The following TMTC1 variants were observed in gnomAD, a reference collection of about 807,000 sequenced individuals.
The protein encoded by TMTC1 is transmembrane O-mannosyltransferase targeting cadherins 1.
TMTC1 carries 73 observed loss-of-function variants against 104.8 expected under a neutral mutation model. That is an observed-to-expected ratio of 0.70 (90% CI 0.58 to 0.85). The LOEUF is 0.85. Among genes scored for constraint, TMTC1 ranks in the 40% least tolerant of loss-of-function variants. The pLI is 0.00. For missense variants in TMTC1, 1,035 were observed against 1,096.1 expected, an observed-to-expected ratio of 0.94 and a Z score of 0.79; for synonymous variants, 434 against 428.7, an observed-to-expected ratio of 1.01 and a Z score of -0.15.
At chr12:29,584,168 C>G (rs911171998) in intron 7 of TMTC1, among the ~76,000 whole-genome samples, 3 of 152,160 alleles carry the variant, frequency 2.0e-5, no homozygotes, top group Admixed American at 6.5e-5. Flanking sequence ...AGACAAGATG[C>G]ATTGATATGC....
chr12:29,581,429 T>C (rs1396291628), intron 8 of TMTC1, among the ~76,000 whole-genome samples: 7 of 152,244 alleles, frequency 4.6e-5, no homozygotes, highest in Admixed American at 3.9e-4. Flanking sequence ...CAAAGGCCTC[T>C]TTAGTTGCAA....
rs150635490 is a variant in TMTC1 at position 29,503,734 on chromosome 12, T to C, written c.*3112A>G. The C allele has an allele frequency of 8.8e-4, 134 of 152,298 alleles. No homozygotes were observed. The highest frequency in any genetic ancestry group is 3.1e-3 in the African/African-American group (129 of 41,564). The allele number at this position is 152,298 out of a possible 1,614,324, so 9.4% of individuals were successfully genotyped here. On this transcript the variant is annotated 3_prime_UTR_variant, in exon 18 of 18. Transcript: ENST00000539277. ...AGCCATCCTTCCTACCCAGGACCTG[T>C]TTGGGAACCCAGTGCAAAATGAAAG...
intron 7 of TMTC1, among the ~76,000 whole-genome samples, chr12:29,592,755 C>G (rs1201401677): frequency 6.6e-6 from 1 of 152,156 alleles, no homozygotes; most frequent in Non-Finnish European, 1.5e-5. Context: ...GGGGGAATAA[C>G]AATTGTTTGT....
At chr12:29,547,175 T>C (rs1339140938) in intron 10 of TMTC1, among the ~76,000 whole-genome samples, 3 of 152,160 alleles carry the variant, frequency 2.0e-5, no homozygotes, top group South Asian at 2.1e-4. Context: ...AATGATGACA[T>C]TCCAACTCCT....
At chr12:29,520,938 T>G (rs1944134650) in intron 11 of TMTC1, 1 of 487,408 alleles carries the variant, frequency 2.1e-6, no homozygotes, top group Admixed American at 3.6e-5. Flanking sequence ...TTTAGTTCCC[T>G]TAGGGCGAAA....
At chr12:29,634,510 G>T (rs1938455767) in intron 5 of TMTC1, among the ~76,000 whole-genome samples, 1 of 152,186 alleles carries the variant, frequency 6.6e-6, no homozygotes, top group Admixed American at 6.5e-5. Flanking sequence ...GAAAGGCCCA[G>T]TCACCTCTGC....
At chr12:29,558,318 C>T (rs1945297976) in intron 9 of TMTC1, among the ~76,000 whole-genome samples, 2 of 152,124 alleles carry the variant, frequency 1.3e-5, no homozygotes, top group African/African-American at 2.4e-5. Flanking sequence ...AGCCCCTTGA[C>T]CATAAAATGC....
intron 5 of TMTC1, among the ~76,000 whole-genome samples, chr12:29,698,885 A>G (rs186791174): frequency 6.6e-6 from 1 of 152,142 alleles, no homozygotes; most frequent in East Asian, 1.9e-4. Flanking sequence ...TGCTGGAACA[A>G]CCCCATACTC....
At chr12:29,566,922 G>A (rs564402513) in intron 9 of TMTC1, among the ~76,000 whole-genome samples, 24 of 152,208 alleles carry the variant, frequency 1.6e-4, no homozygotes, top group Admixed American at 7.8e-4. Flanking sequence ...ATATTCTCCC[G>A]GCTGCTAGGA....
intron 10 of TMTC1, among the ~76,000 whole-genome samples, chr12:29,555,987 ATAT>A (rs1186555863): frequency 1.3e-5 from 2 of 152,090 alleles, no homozygotes; most frequent in African/African-American, 4.8e-5. Context: ...ACAGATAAAC[ATAT>A]TATTACGCTC....
intron 6 of TMTC1, among the ~76,000 whole-genome samples, chr12:29,625,334 T>C (rs1937923686): frequency 6.6e-6 from 1 of 152,204 alleles, no homozygotes; most frequent in Non-Finnish European, 1.5e-5. Context: ...TTCGAGAGGT[T>C]ACTAACTAGT....
intron 14 of TMTC1, 21 bp downstream of exon 14, chr12:29,517,406 A>C (rs1332915006): frequency 6.2e-7 from 1 of 1,613,472 alleles, no homozygotes; most frequent in Admixed American, 1.7e-5. Flanking sequence ...TGCCAGCTTC[A>C]TTTTCTTTCA....
At chr12:29,755,079 A>C (rs1211614946) in intron 4 of TMTC1, among the ~76,000 whole-genome samples, 1 of 152,220 alleles carries the variant, frequency 6.6e-6, no homozygotes, top group Non-Finnish European at 1.5e-5. Flanking sequence ...TATGTGCTTG[A>C]ACTTTTAATA....
chr12:29,623,550 C>T (rs1363941486), intron 6 of TMTC1, among the ~76,000 whole-genome samples: 2 of 152,202 alleles, frequency 1.3e-5, no homozygotes, highest in South Asian at 2.1e-4. Context: ...AGCTGTGGCT[C>T]ATGCCTGTAA....
At chr12:29,756,019 T>C in intron 3 of TMTC1, 134 bp from the exon 4 acceptor site, 1 of 900,496 alleles carries the variant, frequency 1.1e-6, no homozygotes. Flanking sequence ...AGAGATTTCT[T>C]AAAGAGCCTT....
chr12:29,730,359 G>T (rs1469890248), intron 5 of TMTC1, among the ~76,000 whole-genome samples: 3 of 152,142 alleles, frequency 2.0e-5, no homozygotes, highest in African/African-American at 7.2e-5. Flanking sequence ...ACATTTCTTA[G>T]GAGGCAAACA....
intron 4 of TMTC1, 57 bp from the exon 5 acceptor site, chr12:29,751,929 C>A: frequency 6.9e-7 from 1 of 1,450,430 alleles, no homozygotes; most frequent in Non-Finnish European, 9.2e-7. Context: ...AGGCTTACAA[C>A]AACCGATAGC....
chr12:29,652,264 G>C (rs56035304), intron 5 of TMTC1, among the ~76,000 whole-genome samples: 17,932 of 152,116 alleles, frequency 0.12, 1,063 homozygotes, highest in African/African-American at 0.14. Flanking sequence ...CCTGAGGAGG[G>C]CAATGAACAC....
chr12:29,738,777 C>T (rs1367561030), intron 5 of TMTC1, among the ~76,000 whole-genome samples: 5 of 152,190 alleles, frequency 3.3e-5, no homozygotes, highest in African/African-American at 1.2e-4. Flanking sequence ...AGACAATCAT[C>T]AATTGAGAAG....
Sources: gnomAD v4.1 joint callset for allele counts (sites outside exome capture counted in the v4.1 genomes callset) on GRCh38, gnomAD v4.1.1 for gene constraint, MANE v1.5 for transcripts, NCBI Gene and HGNC (gene_info 2026-07-23, HGNC 2026-07-21) for gene names.